Variants in MYO9A observed in about 807,000 individuals in gnomAD.
MYO9A encodes myosin IXA.
MYO9A carries 103 observed loss-of-function variants against 293.3 expected under a neutral mutation model. The ratio of observed to expected loss-of-function variants is 0.35; its 90% CI spans 0.30 to 0.41. The LOEUF is 0.41. MYO9A is among the 10% of genes least tolerant of loss of function. The pLI, the probability that MYO9A is intolerant of heterozygous loss-of-function variation, is 1.00. For missense variants in MYO9A, 2,685 were observed against 3,033.0 expected, an observed-to-expected ratio of 0.89 and a Z score of 2.69; for synonymous variants, 1,001 against 1,035.7, an observed-to-expected ratio of 0.97 and a Z score of 0.64.
chr15:72,021,725 A>C (rs1382538226), intron 4 of MYO9A, among the ~76,000 whole-genome samples: 1 of 152,234 alleles, frequency 6.6e-6, no homozygotes, highest in Non-Finnish European at 1.5e-5. Context: ...TAGGCTAACC[A>C]AGAAACTTAA....
intron 1 of MYO9A, among the ~76,000 whole-genome samples, chr15:72,105,203 C>T (rs1272271168): frequency 2.6e-5 from 4 of 152,262 alleles, no homozygotes; most frequent in Non-Finnish European, 4.4e-5. Flanking sequence ...GGGAAAAACA[C>T]TTTTTTCTTT....
chr15:72,044,424 T>G (rs2078321543), intron 2 of MYO9A, among the ~76,000 whole-genome samples: 2 of 152,084 alleles, frequency 1.3e-5, no homozygotes, highest in Admixed American at 1.3e-4. Flanking sequence ...AAAAAGAAAT[T>G]TTCAAGTATA....
At chr15:71,879,323 C>G (rs559861063) in intron 30 of MYO9A, among the ~76,000 whole-genome samples, 1 of 152,198 alleles carries the variant, frequency 6.6e-6, no homozygotes, top group South Asian at 2.1e-4. Context: ...ACTAACTGCC[C>G]TAATTCCATT....
chr15:72,103,438 AAGCAGAAGCAGC>A (rs1218224410), intron 1 of MYO9A, among the ~76,000 whole-genome samples: 5 of 150,838 alleles, frequency 3.3e-5, no homozygotes, highest in Non-Finnish European at 5.9e-5. Context: ...GCAGCAGCAG[AAGCAGAAGCAGC>A]AGCAGAAGAA....
chr15:71,948,301 T>C (rs1412138382), intron 15 of MYO9A, among the ~76,000 whole-genome samples: 1 of 152,238 alleles, frequency 6.6e-6, no homozygotes, highest in Non-Finnish European at 1.5e-5. Context: ...TTATTAGTTC[T>C]GCCTTCTTTA....
intron 1 of MYO9A, among the ~76,000 whole-genome samples, chr15:72,077,060 G>A (rs143963196): frequency 1.2e-3 from 186 of 151,506 alleles, no homozygotes; most frequent in African/African-American, 4.0e-3. Flanking sequence ...GACCTTACAC[G>A]TTTCACCAAA....
In MYO9A at chr15:72,007,956, G is replaced by C. The variant is rs2077061707; in HGVS notation, c.1254-4C>G. 1 of 1,604,782 alleles carries C rather than the reference G, an allele frequency of 6.2e-7. No individual in the cohort carries two copies. Among genetic ancestry groups the C allele is most frequent in the Non-Finnish European group, 8.5e-7 (1 of 1,177,166 alleles). ...GGCTGAGAGAAGAGAGAAAATCCTG[G>C]GAAAATAAAACACAAATTATAGCTT... On this transcript the variant is annotated splice_region_variant and splice_polypyrimidine_tract_variant and intron_variant, in intron 7 of 41. Coordinates refer to ENST00000356056, the MANE Select transcript of MYO9A (RefSeq NM_006901.4).
intron 1 of MYO9A, among the ~76,000 whole-genome samples, chr15:72,113,445 T>TA (rs1336204256): frequency 6.6e-6 from 1 of 152,144 alleles, no homozygotes; most frequent in Non-Finnish European, 1.5e-5. Flanking sequence ...AAGAGTGGAT[T>TA]AAAGTATGTA....
intron 8 of MYO9A, among the ~76,000 whole-genome samples, chr15:72,000,283 A>G (rs1481056795): frequency 6.6e-6 from 1 of 152,252 alleles, no homozygotes; most frequent in East Asian, 1.9e-4. Flanking sequence ...AAGTGACAGC[A>G]CTTCTTGAAT....
intron 27 of MYO9A, among the ~76,000 whole-genome samples, chr15:71,887,583 A>C (rs2142888432): frequency 6.6e-6 from 1 of 152,220 alleles, no homozygotes; most frequent in African/African-American, 2.4e-5. Flanking sequence ...GAAGCCTGAA[A>C]CTGCTTATCT....
At chr15:71,990,209 T>C (rs2076504469) in intron 11 of MYO9A, among the ~76,000 whole-genome samples, 1 of 151,538 alleles carries the variant, frequency 6.6e-6, no homozygotes, top group African/African-American at 2.4e-5. Flanking sequence ...CTGAGTCTCC[T>C]GAGTAGCTGG....
At chr15:71,993,898 G>A (rs2148478863) in intron 10 of MYO9A, 1 of 143,056 alleles carries the variant, frequency 7.0e-6, no homozygotes, top group South Asian at 2.3e-4. Flanking sequence ...TGAACCGGAG[G>A]TTGTAGCGAG....
chr15:72,068,238 T>C (rs2079077981), intron 1 of MYO9A, among the ~76,000 whole-genome samples: 1 of 152,206 alleles, frequency 6.6e-6, no homozygotes, highest in South Asian at 2.1e-4. Context: ...AGATAAAGAA[T>C]GTCCTACACC....
chr15:71,917,524 G>A (rs892097221), intron 18 of MYO9A, among the ~76,000 whole-genome samples: 1 of 152,066 alleles, frequency 6.6e-6, no homozygotes, highest in African/African-American at 2.4e-5. Flanking sequence ...AACAGTGAGA[G>A]ACTCTGTCAA....
chr15:71,977,418 G>T (rs1173119965), intron 12 of MYO9A, among the ~76,000 whole-genome samples: 1 of 151,996 alleles, frequency 6.6e-6, no homozygotes, highest in Non-Finnish European at 1.5e-5. Flanking sequence ...CATATTTTCA[G>T]CACAGACAAG....
At chr15:72,105,128 G>A (rs1385752723) in intron 1 of MYO9A, among the ~76,000 whole-genome samples, 1 of 152,092 alleles carries the variant, frequency 6.6e-6, no homozygotes, top group Non-Finnish European at 1.5e-5. Context: ...CAACAAAACA[G>A]AACAAAGATA....
chr15:71,931,414 A>T (rs1415608396), intron 18 of MYO9A, among the ~76,000 whole-genome samples: 2 of 152,200 alleles, frequency 1.3e-5, no homozygotes, highest in Non-Finnish European at 2.9e-5. Context: ...AGGATTTTGA[A>T]TCCCACTAAC....
intron 12 of MYO9A, among the ~76,000 whole-genome samples, chr15:71,970,108 T>C (rs2075973286): frequency 6.6e-6 from 1 of 152,218 alleles, no homozygotes; most frequent in Non-Finnish European, 1.5e-5. Flanking sequence ...AAATGTAGAT[T>C]CTGATTCAAC....
At chr15:71,913,430 G>C (rs2057918278) in intron 19 of MYO9A, among the ~76,000 whole-genome samples, 1 of 152,134 alleles carries the variant, frequency 6.6e-6, no homozygotes, top group Admixed American at 6.5e-5. Context: ...CAGAGACTCT[G>C]TCATCACCTT....
Sources: gnomAD v4.1 joint callset for allele counts (sites outside exome capture counted in the v4.1 genomes callset) on GRCh38, gnomAD v4.1.1 for gene constraint, MANE v1.5 for transcripts, NCBI Gene and HGNC (gene_info 2026-07-23, HGNC 2026-07-21) for gene names.